PALB2: variants seen among roughly 807,000 people sequenced by gnomAD.
PALB2 encodes the protein partner and localizer of BRCA2, also known as mutant partner and localizer of BRCA2.
PALB2 carries 82 observed loss-of-function variants against 107.4 expected under a neutral mutation model. The observed-to-expected ratio is 0.76, with a 90% CI of 0.64 to 0.92. The LOEUF (loss-of-function observed/expected upper bound fraction) is 0.92, where lower values mean the gene tolerates loss of function less well. Among genes scored for constraint, PALB2 ranks in the 40% least tolerant of loss-of-function variants. The pLI, the probability that PALB2 is intolerant of heterozygous loss-of-function variation, is 0.00. For synonymous variants in PALB2, 489 were observed against 496.8 expected (o/e 0.98, Z 0.21); for missense variants, 1,374 against 1,379.9 (o/e 1.00, Z 0.07).
intron 11 of PALB2, among the ~76,000 whole-genome samples, chr16:23,613,170 G>A (rs1486811785): frequency 6.6e-6 from 1 of 152,172 alleles, no homozygotes; most frequent in Non-Finnish European, 1.5e-5. Context: ...AACATTTCAA[G>A]TCCTTTCTTC....
At chr16:23,623,957 TGACA>T in intron 8 of PALB2, 48 bp downstream of exon 8, 1 of 1,286,294 alleles carries the variant, frequency 7.8e-7, no homozygotes, top group Admixed American at 1.7e-5. Context: ...TAAAACCAGC[TGACA>T]GAGACAAAGA....
At chr16:23,609,012 G>C (rs1347363897) in intron 11 of PALB2, among the ~76,000 whole-genome samples, 1 of 152,006 alleles carries the variant, frequency 6.6e-6, no homozygotes, top group Non-Finnish European at 1.5e-5. Context: ...ATTTTTAGTA[G>C]AGACAGGGTT....
chr16:23,617,831 A>C (rs1966710999), intron 10 of PALB2: 2 of 152,320 alleles, frequency 1.3e-5, no homozygotes, highest in South Asian at 4.1e-4. Context: ...AACAGAACTC[A>C]AGGTAACTGT....
intron 10 of PALB2, among the ~76,000 whole-genome samples, chr16:23,620,332 C>T (rs991764481): frequency 6.6e-6 from 1 of 152,066 alleles, no homozygotes; most frequent in East Asian, 1.9e-4. Context: ...GACTTTTCCC[C>T]TCCCTTTCTA....
intron 4 of PALB2, among the ~76,000 whole-genome samples, chr16:23,634,268 C>T (rs1345398495): frequency 6.6e-6 from 1 of 152,208 alleles, no homozygotes; most frequent in South Asian, 2.1e-4. Flanking sequence ...TTAGTTTCCT[C>T]ACCTGTAAAG....
chr16:23,635,450 T>C lies in PALB2; in HGVS notation c.1096A>G (p.Asn366Asp), dbSNP rs786204080. 8 of 1,614,152 alleles carry C rather than the reference T, an allele frequency of 5.0e-6. No individual in the cohort carries two copies. The South Asian group carries it at 8.8e-5, about 18-fold the overall frequency. Reference sequence around the variant, plus strand: ...ATCTCACTTTCCTGAAGATTTTCATTCCTGCCATCAAGAGTGTCACTGGGA... The same window carrying C: ...ATCTCACTTTCCTGAAGATTTTCATCCCTGCCATCAAGAGTGTCACTGGGA... Reference protein sequence around the residue: ...KSPSDTLDGRNENLQESEILS... With the variant: ...KSPSDTLDGRDENLQESEILS... Residue 366 changes from asparagine (N) to aspartate (D), a missense_variant, in exon 4 of 13, where the codon AAT (asparagine) becomes GAT (aspartate). Physicochemically the swap from Asn to Asp is conservative, Grantham distance 23 (BLOSUM62 1). Transcript: ENST00000261584.
intron 10 of PALB2, chr16:23,617,837 AC>A (rs1258383280): frequency 6.6e-6 from 1 of 152,216 alleles, no homozygotes; most frequent in Non-Finnish European, 1.5e-5. Flanking sequence ...ACTCAAGGTA[AC>A]TGTGGGGGTG....
rs775666266 is a variant in PALB2, at chr16:23,621,437, A to G, written c.3038T>C (p.Ile1013Thr). Reference protein sequence around the residue: ...NQFLMPPEETILTFAEVQGMQ... With the variant: ...NQFLMPPEETTLTFAEVQGMQ... ...CCCTTGGACCTCAGCAAAAGTTAGT[A>G]TAGTCTCCTCAGGGGGCATCAAAAA... Residue 1013 changes from isoleucine (I) to threonine (T), a missense_variant, in exon 10 of 13, where the codon ATA becomes ACA. Transcript: ENST00000261584. 1 of 1,614,012 alleles carries G rather than the reference A, an allele frequency of 6.2e-7. No individual in the cohort carries two copies. Among genetic ancestry groups the G allele is most frequent in the African/African-American group, 1.3e-5 (1 of 74,936 alleles).
chr16:23,604,076 T>C (rs565261390), intron 12 of PALB2, among the ~76,000 whole-genome samples: 2 of 152,356 alleles, frequency 1.3e-5, no homozygotes, highest in South Asian at 4.1e-4. Context: ...AGGTCACCCC[T>C]AATCCTCTAT....
intron 10 of PALB2, among the ~76,000 whole-genome samples, chr16:23,619,046 G>C (rs139922590): frequency 6.6e-6 from 1 of 151,514 alleles, no homozygotes; most frequent in Non-Finnish European, 1.5e-5. Context: ...AGTCACCATA[G>C]TGTTTAAAAA....
intron 10 of PALB2, among the ~76,000 whole-genome samples, chr16:23,620,797 G>A (rs528073919): frequency 1.3e-5 from 2 of 152,234 alleles, no homozygotes; most frequent in Non-Finnish European, 2.9e-5. Context: ...ATCAGGCCGG[G>A]CGCAGTGGCT....
At position 23,638,093 on chromosome 16, in the gene PALB2, TG is replaced by T; in HGVS notation, c.84del (p.Tyr28Ter). 6.2e-7 allele frequency: 1 copy of T among 1,614,092 alleles called. No homozygotes were observed. Among genetic ancestry groups the T allele is most frequent in the Non-Finnish European group, 8.5e-7 (1 of 1,179,948 alleles). ...ACCTGAAGGCGGGCTAGTGTCTTGC[TG>T]TATTCCCTTTTCAAGAATGCTAATT... Reference protein sequence around the residue: ...KEKLAFLKREYSKTLARLQRA... With the variant: ...KEKLAFLKREXSKTLARLQRA... On this transcript the variant is annotated frameshift_variant, in exon 2 of 13. Transcript: ENST00000261584. LOFTEE classifies it high-confidence loss of function.
In PALB2 at chr16:23,611,747, T is replaced by G. The variant is rs895881997; in HGVS notation, c.3201+2257A>C. Among the ~76,000 whole-genome samples, 4 of 152,168 alleles carry G rather than the reference T, an allele frequency of 2.6e-5. No individual in the cohort carries two copies. The East Asian group carries it at 7.7e-4, about 29-fold the overall frequency. On this transcript the variant is annotated intron_variant, in intron 11 of 12. Transcript: ENST00000261584. ...TGTTGAGATTACAGGCGTGAGCCAC[T>G]GCACCTGGACTATTAGTTATTTTTG...
intron 10 of PALB2, among the ~76,000 whole-genome samples, chr16:23,618,657 C>T (rs1966723314): frequency 6.6e-6 from 1 of 151,622 alleles, no homozygotes; most frequent in Non-Finnish European, 1.5e-5. Flanking sequence ...GTTTGGGTGA[C>T]AGAGTAAGAC....
rs188077281 is a variant in PALB2 at position 23,625,440 on chromosome 16, C to T, written c.2748+796G>A. Among the ~76,000 whole-genome samples the T allele has an allele frequency of 1.9e-3, 289 of 152,040 alleles. 2 individuals carry two copies. The highest frequency in any genetic ancestry group is 6.7e-3 in the African/African-American group (277 of 41,464). On this transcript the variant is annotated intron_variant, in intron 7 of 12. Coordinates refer to ENST00000261584, the MANE Select transcript of PALB2 (RefSeq NM_024675.4). ...CAGCACTCTGGGAGGCTGAGGCAGG[C>T]GGATGGCTTAAGCCCAGGAGTTCAA... is the stretch of plus-strand genomic sequence containing the variant.
intron 7 of PALB2, 55 bp downstream of exon 7, chr16:23,626,181 A>G (rs2142352301): frequency 6.2e-7 from 1 of 1,607,838 alleles, no homozygotes; most frequent in Non-Finnish European, 8.5e-7. Context: ...CTGCCCATCT[A>G]CATTATCAGG....
At position 23,630,389 on chromosome 16, in the gene PALB2, T is replaced by C. The variant is rs1437053825; in HGVS notation, c.1765A>G (p.Thr589Ala). The change falls in exon 5 of 13, where the codon ACG becomes GCG. Residue 589 changes from threonine (T) to alanine (A), a missense_variant. Physicochemically the swap from Thr to Ala is moderately conservative, Grantham distance 58. Coordinates refer to ENST00000261584, the MANE Select transcript of PALB2 (RefSeq NM_024675.4). ...AYLSLDDDAF[T>A]APFHRDGMLS... ...ATTCCATCCCTATGAAATGGAGCCG[T>C]GAAAGCATCATCATCCAAGGATAAA... The C allele has an allele frequency of 1.9e-6, 3 of 1,614,126 alleles. No homozygotes were observed. The Admixed American group carries it at 5.0e-5, about 27-fold the overall frequency.
intron 10 of PALB2, among the ~76,000 whole-genome samples, chr16:23,619,471 G>A (rs1215029612): frequency 6.6e-6 from 1 of 150,658 alleles, no homozygotes; most frequent in Non-Finnish European, 1.5e-5. Flanking sequence ...CCTTAGCCTC[G>A]CACCACCAGG....
Position 23,634,850 on chromosome 16 carries a change from A to G in PALB2, c.1684+12T>C. 1.2e-6 allele frequency: 2 copies of G among 1,609,760 alleles called. No homozygotes were observed. The highest frequency in any genetic ancestry group is 2.2e-5 in the East Asian group (1 of 44,838). ...CATCATCATCATCATCATCAAACAC[A>G]TCTTGATTTACCTTTCACTTGAATA... is the stretch of plus-strand genomic sequence containing the variant. On this transcript the variant is annotated intron_variant, in intron 4 of 12. Transcript: ENST00000261584.
Sources: gnomAD v4.1 joint callset for allele counts (sites outside exome capture counted in the v4.1 genomes callset) on GRCh38, gnomAD v4.1.1 for gene constraint, MANE v1.5 for transcripts, NCBI Gene and HGNC (gene_info 2026-07-23, HGNC 2026-07-21) for gene names.